HPD: variants seen among roughly 807,000 people sequenced by gnomAD.
HPD encodes 4-hydroxyphenylpyruvic acid oxidase.
A neutral mutation model predicts 56.9 loss-of-function variants in HPD; 35 were observed. The observed-to-expected ratio is 0.62, with a 90% CI of 0.47 to 0.82. HPD has a LOEUF of 0.82. HPD is among the 40% of genes least tolerant of loss of function. The pLI is 0.00. For missense variants in HPD, 442 were observed against 506.8 expected (o/e 0.87, Z 1.23); for synonymous variants, 186 against 200.2 (o/e 0.93, Z 0.60).
chr12:121,849,880 T>G (rs1877709453), intron 7 of HPD, 90 bp from the exon 8 acceptor site: 54 of 790,556 alleles, frequency 6.8e-5, no homozygotes, highest in Middle Eastern at 3.5e-4. Context: ...TAGCCCCGGG[T>G]TCCAACCTGC....
upstream of HPD, chr12:121,859,012 A>G (rs985766613): frequency 4.5e-6 from 3 of 661,502 alleles, no homozygotes; most frequent in Non-Finnish European, 8.1e-6. Flanking sequence ...ATTGAACAGG[A>G]TGGTGTTGCC....
chr12:121,883,180 T>TTGTG, the HPD span, among the ~76,000 whole-genome samples: 1,322 of 115,380 alleles, frequency 0.011, 3 homozygotes, highest in South Asian at 0.02. Flanking sequence ...GGAGCATAAG[T>TTGTG]TGTGTGTGTG....
At chr12:121,859,899 C>T (rs376945106), upstream of HPD, among the ~76,000 whole-genome samples, 26 of 152,352 alleles carry the variant, frequency 1.7e-4, no homozygotes, top group East Asian at 4.6e-3. Context: ...TGGCTCACGC[C>T]TGTAATCCCA....
At chr12:121,858,578 ATCCAC>A in intron 2 of HPD, 104 bp downstream of exon 2, 1 of 1,093,632 alleles carries the variant, frequency 9.1e-7, no homozygotes, top group African/African-American at 1.5e-5. Context: ...CACGTCATGT[ATCCAC>A]TCCAGTCCTT....
At chr12:121,847,612 G>A (rs191732623) in intron 9 of HPD, among the ~76,000 whole-genome samples, 6 of 152,138 alleles carry the variant, frequency 3.9e-5, no homozygotes, top group Admixed American at 2.0e-4. Context: ...ATCTCGGCTC[G>A]CTGCAGCTGC....
chr12:121,839,779 C>G lies in HPD; in HGVS notation c.1131G>C (p.Leu377=). ...LFKAFEEEQN[L]RGNLTNMETN... Reference sequence around the variant, plus strand: ...TCTCCATGTTGGTGAGGTTACCCCGCAGGTTCTGCTCCTCCTCGAAAGCCT... The same window carrying G: ...TCTCCATGTTGGTGAGGTTACCCCGGAGGTTCTGCTCCTCCTCGAAAGCCT... Residue 377 remains leucine, a synonymous_variant, in exon 14 of 14, where the codon CTG becomes CTC. Coordinates refer to ENST00000289004, the MANE Select transcript of HPD (RefSeq NM_002150.3). 7.4e-6 allele frequency: 12 copies of G among 1,614,198 alleles called. No individual in the cohort carries two copies. The highest frequency in any genetic ancestry group is 1.0e-5 in the Non-Finnish European group (12 of 1,180,016).
chr12:121,887,867 G>C, the HPD span, among the ~76,000 whole-genome samples: 1 of 152,050 alleles, frequency 6.6e-6, no homozygotes, highest in Non-Finnish European at 1.5e-5. Context: ...TTAGATTCAG[G>C]GCAAACATGT....
the HPD span, among the ~76,000 whole-genome samples, chr12:121,879,024 A>T: frequency 6.6e-6 from 1 of 151,732 alleles, no homozygotes; most frequent in South Asian, 2.1e-4. Context: ...GTGGCTTCTG[A>T]CTGTAATCCC....
chr12:121,877,930 T>C, the HPD span, among the ~76,000 whole-genome samples: 1 of 152,090 alleles, frequency 6.6e-6, no homozygotes, highest in Non-Finnish European at 1.5e-5. Context: ...GATTTGAAGA[T>C]TGTCTTGTTT....
At chr12:121,841,084 C>T (rs892531483) in intron 12 of HPD, among the ~76,000 whole-genome samples, 5 of 152,088 alleles carry the variant, frequency 3.3e-5, no homozygotes, top group Non-Finnish European at 7.4e-5. Context: ...CGCCTGTTAT[C>T]CCAGCTACTC....
chr12:121,865,182 C>T (rs912716834), upstream of HPD, among the ~76,000 whole-genome samples: 1 of 151,924 alleles, frequency 6.6e-6, no homozygotes, highest in East Asian at 2.0e-4. Context: ...GCAGGAGAAT[C>T]GCTTGAACCT....
At chr12:121,854,869 G>T in intron 6 of HPD, 77 bp from the exon 7 acceptor site, 1 of 1,172,318 alleles carries the variant, frequency 8.5e-7, no homozygotes, top group Non-Finnish European at 1.3e-6. Context: ...CCTGCCTGGT[G>T]GCCTCTGCGT....
chr12:121,865,993 A>G (rs1480914741), upstream of HPD, among the ~76,000 whole-genome samples: 2 of 151,302 alleles, frequency 1.3e-5, no homozygotes, highest in African/African-American at 4.9e-5. Flanking sequence ...TTTTTTAAAA[A>G]ACAAAGCAAA....
chr12:121,877,378 G>A, the HPD span, among the ~76,000 whole-genome samples: 1 of 152,042 alleles, frequency 6.6e-6, no homozygotes, highest in Admixed American at 6.6e-5. Flanking sequence ...AAATGAGAGG[G>A]GTGTGAGAGG....
upstream of HPD, among the ~76,000 whole-genome samples, chr12:121,863,244 A>G (rs1279729637): frequency 6.6e-6 from 1 of 152,114 alleles, no homozygotes; most frequent in Non-Finnish European, 1.5e-5. Flanking sequence ...TCGGCCTCCC[A>G]AAGTGCTGGG....
At chr12:121,857,577 G>A in intron 3 of HPD, 145 bp from the exon 4 acceptor site, 1 of 823,834 alleles carries the variant, frequency 1.2e-6, no homozygotes, top group East Asian at 2.6e-5. Flanking sequence ...ACTGCTGCCT[G>A]CACATTTTGC....
upstream of HPD, among the ~76,000 whole-genome samples, chr12:121,864,604 A>T (rs1417783653): frequency 6.7e-6 from 1 of 150,368 alleles, no homozygotes; most frequent in Non-Finnish European, 1.5e-5. Flanking sequence ...CTGTAATCCC[A>T]GCACTTTGGG....
rs550194762 is a variant in HPD, at chr12:121,846,810, C to T, written c.831+52G>A. 1.4e-4 allele frequency: 213 copies of T among 1,569,582 alleles called. No individual in the cohort carries two copies. The African/African-American group carries it at 2.6e-3, about 19-fold the overall frequency. On this transcript the variant is annotated intron_variant, in intron 11 of 13. Transcript: ENST00000289004. ...CCCGCCCTCTCAATTTTGCAGAGAT[C>T]GTCCCTGGCTCTGAATGAGAGAGGA...
chr12:121,877,869 G>A, the HPD span, among the ~76,000 whole-genome samples: 10 of 152,292 alleles, frequency 6.6e-5, no homozygotes, highest in South Asian at 2.1e-3. Context: ...TGGTGTGGCC[G>A]GATTTTGTTC....
Sources: gnomAD v4.1 joint callset for allele counts (sites outside exome capture counted in the v4.1 genomes callset) on GRCh38, gnomAD v4.1.1 for gene constraint, MANE v1.5 for transcripts, NCBI Gene and HGNC (gene_info 2026-07-23, HGNC 2026-07-21) for gene names.